SLC47A2: variants seen among roughly 807,000 people sequenced by gnomAD.
SLC47A2 encodes the protein multidrug and toxin extrusion protein 2.
In SLC47A2, 52 loss-of-function variants were observed where a neutral mutation model predicts 67.7. The observed-to-expected ratio is 0.77, with a 90% CI of 0.61 to 0.97. The LOEUF is 0.97. SLC47A2 is among the 50% of genes least tolerant of loss of function. The pLI, the probability that SLC47A2 is intolerant of heterozygous loss-of-function variation, is 0.00. For synonymous variants in SLC47A2, 278 were observed against 292.9 expected (o/e 0.95, Z 0.52); for missense variants, 676 against 712.3 (o/e 0.95, Z 0.58).
chr17:19,681,271 T>C, intron 15 of SLC47A2, 96 bp downstream of exon 15: 1 of 989,060 alleles, frequency 1.0e-6, no homozygotes, highest in Admixed American at 2.7e-5. Context: ...GCTGCCAAGT[T>C]CTGATGTGCT....
At chr17:19,700,937 G>A (rs1156861013) in intron 13 of SLC47A2, among the ~76,000 whole-genome samples, 1 of 151,802 alleles carries the variant, frequency 6.6e-6, no homozygotes, top group Non-Finnish European at 1.5e-5. Flanking sequence ...GGAAGCCGAG[G>A]CGGGTGGGTC....
At chr17:19,707,442 G>T (rs756417806) in intron 8 of SLC47A2, among the ~76,000 whole-genome samples, 2 of 152,186 alleles carry the variant, frequency 1.3e-5, no homozygotes, top group Non-Finnish European at 2.9e-5. Context: ...CACTGCTGAC[G>T]CCTGGTATTC....
chr17:19,713,771 C>T, intron 4 of SLC47A2, 54 bp downstream of exon 4: 2 of 1,575,328 alleles, frequency 1.3e-6, no homozygotes, highest in South Asian at 1.2e-5. Context: ...GGGTTTCCCT[C>T]GGCGGCCCGG....
intron 13 of SLC47A2, among the ~76,000 whole-genome samples, chr17:19,688,824 C>T (rs1049670577): frequency 6.6e-6 from 1 of 150,724 alleles, no homozygotes; most frequent in African/African-American, 2.4e-5. Context: ...TCCCAAAATG[C>T]TGGGATTACA....
At chr17:19,715,697 G>T (rs80220659) in intron 1 of SLC47A2, 1,967 of 99,488 alleles carry the variant, frequency 0.02, 80 homozygotes, top group African/African-American at 0.06. Flanking sequence ...TTTTGGTTTT[G>T]TTTTTTTTGT....
At chr17:19,710,718 GC>G (rs1364110291) in intron 5 of SLC47A2, among the ~76,000 whole-genome samples, 4 of 152,002 alleles carry the variant, frequency 2.6e-5, no homozygotes, top group Non-Finnish European at 5.9e-5. Context: ...CTCCCAAAGT[GC>G]TAGGATTACA....
chr17:19,715,706 GTT>G (rs68064267), intron 1 of SLC47A2: 3 of 118,696 alleles, frequency 2.5e-5, no homozygotes, highest in Non-Finnish European at 4.8e-5. Flanking sequence ...TGTTTTTTTT[GTT>G]TTTTTTTTTT....
At chr17:19,703,203 C>G in intron 11 of SLC47A2, 36 bp from the exon 12 acceptor site, 3 of 1,600,550 alleles carry the variant, frequency 1.9e-6, no homozygotes, top group Non-Finnish European at 2.6e-6. Context: ...TGACAGACCC[C>G]AAGCCAGGAA....
At chr17:19,679,847 G>A (rs545067139) in intron 16 of SLC47A2, 105 bp downstream of exon 16, 1 of 1,113,446 alleles carries the variant, frequency 9.0e-7, no homozygotes, top group South Asian at 1.6e-5. Context: ...AAATAGCTTG[G>A]GCTTGTACAA....
intron 9 of SLC47A2, 64 bp from the exon 10 acceptor site, chr17:19,705,567 G>A: frequency 6.7e-7 from 1 of 1,499,732 alleles, no homozygotes. Flanking sequence ...TGCGCCGACA[G>A]GACGCTGCTT....
At chr17:19,697,418 C>A (rs1281769129) in intron 13 of SLC47A2, among the ~76,000 whole-genome samples, 1 of 152,116 alleles carries the variant, frequency 6.6e-6, no homozygotes, top group Non-Finnish European at 1.5e-5. Flanking sequence ...GCCTGGGTGA[C>A]ATCATGAGAC....
intron 5 of SLC47A2, among the ~76,000 whole-genome samples, chr17:19,709,686 A>G (rs1451546493): frequency 6.6e-6 from 1 of 152,220 alleles, no homozygotes; most frequent in Admixed American, 6.5e-5. Flanking sequence ...ACATTTAAGC[A>G]TTCCAAGTGT....
intron 9 of SLC47A2, 54 bp downstream of exon 9, chr17:19,706,594 T>G: frequency 2.8e-6 from 4 of 1,453,658 alleles, no homozygotes; most frequent in Non-Finnish European, 3.7e-6. Context: ...AGGGGGCTTC[T>G]GGGCTGGGTG....
intron 13 of SLC47A2, among the ~76,000 whole-genome samples, chr17:19,684,926 A>C (rs1433153634): frequency 6.7e-6 from 1 of 150,348 alleles, no homozygotes; most frequent in Non-Finnish European, 1.5e-5. Flanking sequence ...GTTCACTGCA[A>C]CCTCCCTGCC....
chr17:19,704,319 TTGC>T (rs1404141412), intron 10 of SLC47A2, 141 bp from the exon 11 acceptor site: 2 of 693,618 alleles, frequency 2.9e-6, no homozygotes, highest in African/African-American at 3.6e-5. Context: ...CGTCACATTC[TTGC>T]TGCTGACAAT....
At chr17:19,680,349 G>A (rs139289466) in intron 15 of SLC47A2, among the ~76,000 whole-genome samples, 13 of 152,200 alleles carry the variant, frequency 8.5e-5, no homozygotes, top group Non-Finnish European at 1.6e-4. Context: ...GCATGGTGGC[G>A]CATGTCTGTA....
At chr17:19,692,796 C>A (rs1395918199) in intron 13 of SLC47A2, among the ~76,000 whole-genome samples, 2 of 152,084 alleles carry the variant, frequency 1.3e-5, no homozygotes, top group Admixed American at 6.5e-5. Context: ...ATTAGCAAAC[C>A]AAATTTAGTA....
At position 19,713,658 on chromosome 17, in the gene SLC47A2, G is replaced by A. The variant is rs1486475523; in HGVS notation, c.443+167C>T. Among the ~76,000 whole-genome samples, 3 of 152,226 alleles carry A rather than the reference G, an allele frequency of 2.0e-5. No homozygotes were observed. The East Asian group carries it at 5.8e-4, about 29-fold the overall frequency. On this transcript the variant is annotated intron_variant, in intron 4 of 16. Coordinates refer to ENST00000433844, the MANE Select transcript of SLC47A2 (RefSeq NM_001099646.3). Reference sequence around the variant, plus strand: ...GGTCACTGCTGGAGCCGCAGCCATGGGGAGAATCCCCAAACCAAAGCCTGG... The same window carrying A: ...GGTCACTGCTGGAGCCGCAGCCATGAGGAGAATCCCCAAACCAAAGCCTGG...
chr17:19,712,170 G>A (rs752844916), intron 5 of SLC47A2, among the ~76,000 whole-genome samples: 1 of 152,122 alleles, frequency 6.6e-6, no homozygotes, highest in Non-Finnish European at 1.5e-5. Context: ...CAGATCACTT[G>A]AGGTCAGGAG....
Sources: allele counts gnomAD v4.1 joint callset (sites outside exome capture counted in the v4.1 genomes callset), GRCh38; gene constraint gnomAD v4.1.1; transcripts MANE v1.5; gene names NCBI Gene and HGNC (gene_info 2026-07-23, HGNC 2026-07-21).